The following AKAP12 variants were observed in gnomAD, a reference collection of about 807,000 sequenced individuals.
The protein encoded by AKAP12 is A-kinase anchoring protein 12, also known as A-kinase anchor protein 12.
AKAP12 carries 32 observed loss-of-function variants against 79.9 expected under a neutral mutation model. The observed-to-expected ratio is 0.40, with a 90% CI of 0.30 to 0.54. AKAP12 has a LOEUF of 0.54. Ranked by LOEUF, AKAP12 falls within the 20% of genes least tolerant of loss-of-function variation. The probability of loss-of-function intolerance (pLI) is 0.48; values close to 1 mark genes in which losing one functional copy is unlikely to be tolerated. For missense variants in AKAP12, 2,074 were observed against 2,177.0 expected (o/e 0.95, Z 0.94); for synonymous variants, 808 against 857.0 (o/e 0.94, Z 1.00).
At chr6:151,251,488 G>A (rs1226227904) in intron 2 of AKAP12, among the ~76,000 whole-genome samples, 1 of 152,170 alleles carries the variant, frequency 6.6e-6, no homozygotes, top group African/African-American at 2.4e-5. Context: ...ACAGGGTAGA[G>A]GCTTGGCATG....
At chr6:151,266,835 G>A (rs1410439277) in intron 2 of AKAP12, among the ~76,000 whole-genome samples, 1 of 151,930 alleles carries the variant, frequency 6.6e-6, no homozygotes, top group Admixed American at 6.6e-5. Flanking sequence ...GGGAAAATAT[G>A]CAAAACTGTA....
rs186440395 is a variant in AKAP12 at position 151,266,142 on chromosome 6, G to C, written c.162+25418G>C. Among the ~76,000 whole-genome samples the C allele has an allele frequency of 5.3e-5, 8 of 152,326 alleles. No individual in the cohort carries two copies. The East Asian group carries it at 1.5e-3, about 29-fold the overall frequency. On this transcript the variant is annotated intron_variant, in intron 2 of 4. Transcript: ENST00000402676. ...CTGCTGTAAAACTCTCCTTGGCCTT[G>C]CCAGGGTTAATTCTTTATCAACTTG...
At chr6:151,245,937 A>G (rs1797066841) in intron 2 of AKAP12, among the ~76,000 whole-genome samples, 1 of 152,156 alleles carries the variant, frequency 6.6e-6, no homozygotes, top group Non-Finnish European at 1.5e-5. Flanking sequence ...TCACATATAG[A>G]TTTAGGTTTT....
chr6:151,356,125 G>A lies in AKAP12; in HGVS notation c.*411G>A, dbSNP rs1318095301. ...TTTTTTTCTTAATGTTTAAGGAAAT[G>A]TGCAGGATACTACATGCTTTTTGTA... On this transcript the variant is annotated 3_prime_UTR_variant, in exon 5 of 5. Transcript: ENST00000402676. 1 of 152,556 alleles carries A rather than the reference G, an allele frequency of 6.6e-6. No individual in the cohort carries two copies. The highest frequency in any genetic ancestry group is 1.5e-5 in the Non-Finnish European group (1 of 68,028). The allele number at this position is 152,556 out of a possible 1,614,324, so 9.5% of individuals were successfully genotyped here.
chr6:151,319,488 CTATCTAT>C (rs1777316572), intron 3 of AKAP12: 1 of 100,218 alleles, frequency 1.0e-5, no homozygotes, highest in Non-Finnish European at 2.0e-5. Context: ...TATCTATCTA[CTATCTAT>C]AACTATCTAG....
At chr6:151,261,967 A>T (rs1027369310) in intron 2 of AKAP12, among the ~76,000 whole-genome samples, 12 of 152,020 alleles carry the variant, frequency 7.9e-5, no homozygotes, top group Non-Finnish European at 1.3e-4. Context: ...TGTTATTTTT[A>T]AAAATTTTTT....
chr6:151,302,921 C>T (rs942374718), intron 2 of AKAP12, among the ~76,000 whole-genome samples: 1 of 152,162 alleles, frequency 6.6e-6, no homozygotes, highest in African/African-American at 2.4e-5. Flanking sequence ...TTTGGCTGGG[C>T]GCAGTGGCTC....
At position 151,353,803 on chromosome 6, in the gene AKAP12, G is replaced by T. The variant is rs1344927441; in HGVS notation, c.*12+51G>T. The T allele has an allele frequency of 3.0e-6, 4 of 1,313,854 alleles. No individual in the cohort carries two copies. In the Admixed American group the frequency reaches 1.1e-4, roughly 38 times the overall value. The allele number at this position is 1,313,854 out of a possible 1,614,324, so 81.4% of individuals were successfully genotyped here. On this transcript the variant is annotated intron_variant, in intron 4 of 4. Coordinates refer to ENST00000402676, the MANE Select transcript of AKAP12 (RefSeq NM_005100.4). The stretch of plus-strand genomic sequence containing the variant: ...ATTTTTCTCTTTTATGCCAATAGAT[G>T]GCAAATTTGTTACATAAGGAATCGG...
chr6:151,267,298 C>A (rs545933236), intron 2 of AKAP12, among the ~76,000 whole-genome samples: 1 of 152,324 alleles, frequency 6.6e-6, no homozygotes, highest in African/African-American at 2.4e-5. Flanking sequence ...TTTGAATAGA[C>A]TCTTATGCCA....
Position 151,351,639 on chromosome 6 carries a change from C to T in AKAP12, c.3248C>T (p.Ala1083Val), listed in dbSNP as rs141178416. ...GAAAGACCAGAAGAGCAGGCTGAAG[C>T]GTCGGGTCTGAAGAAAGAGACGGAT... ...EAERPEEQAE[A>V]SGLKKETDVV... Residue 1083 changes from alanine to valine, a missense_variant, in exon 4 of 5, where the codon GCG (alanine) becomes GTG (valine). This residue lies in a region of AKAP12 where 1,428 missense variants were observed against 1,451.0 expected (regional missense o/e 0.98). Transcript: ENST00000402676. The surrounding 1 kb of genome is among the most constrained non-coding windows in gnomAD (Gnocchi z 4.4). The T allele has an allele frequency of 4.9e-4, 786 of 1,613,984 alleles. 2 individuals are homozygous for T. Among genetic ancestry groups the T allele is most frequent in the Middle Eastern group, 1.2e-3 (7 of 6,084 alleles).
chr6:151,293,443 T>C (rs891901991), intron 2 of AKAP12, among the ~76,000 whole-genome samples: 6 of 152,226 alleles, frequency 3.9e-5, no homozygotes, highest in African/African-American at 1.4e-4. Context: ...ATTTTGCTTA[T>C]TTTGCAATTG....
At chr6:151,307,317 C>A (rs150732453) in intron 3 of AKAP12, among the ~76,000 whole-genome samples, 1,690 of 152,302 alleles carry the variant, frequency 0.011, 28 homozygotes, top group African/African-American at 0.039. Context: ...AACCACTTAA[C>A]CACTGTGCTC....
chr6:151,338,699 C>T (rs949257392), intron 3 of AKAP12, among the ~76,000 whole-genome samples: 1 of 152,172 alleles, frequency 6.6e-6, no homozygotes, highest in Non-Finnish European at 1.5e-5. Context: ...GATCCGTCTA[C>T]CTTGCACTCC....
intron 3 of AKAP12, among the ~76,000 whole-genome samples, chr6:151,342,031 T>C (rs1394002622): frequency 6.6e-6 from 1 of 152,148 alleles, no homozygotes; most frequent in Non-Finnish European, 1.5e-5. Context: ...CCCCGAAGAC[T>C]CTGGCTTGAA....
Position 151,240,375 on chromosome 6 carries a change from TC to T in AKAP12, c.-179-8del, listed in dbSNP as rs1168827547. 3 of 516,262 alleles carry T rather than the reference TC, an allele frequency of 5.8e-6. No homozygotes were observed. The highest frequency in any genetic ancestry group is 9.1e-6 in the Non-Finnish European group (3 of 329,768). 32.0% of individuals were successfully genotyped at this position (516,262 alleles called of 1,614,324 possible). On this transcript the variant is annotated splice_region_variant and splice_polypyrimidine_tract_variant and intron_variant, in intron 1 of 4. Coordinates refer to ENST00000402676, the MANE Select transcript of AKAP12 (RefSeq NM_005100.4). ...GGTGGCCTTTTTTTTTTTTTCCTTT[TC>T]TTTTAAGGAGTTTGCCGCGAGCGCG... is the stretch of plus-strand genomic sequence containing the variant.
chr6:151,338,588 TGGGACTACA>T (rs1777873422), intron 3 of AKAP12, among the ~76,000 whole-genome samples: 1 of 152,074 alleles, frequency 6.6e-6, no homozygotes, highest in Non-Finnish European at 1.5e-5. Flanking sequence ...CCTGAGTAGC[TGGGACTACA>T]GGCACCCACC....
rs370245999 is a variant in AKAP12, at chr6:151,349,876, C to T, written c.1485C>T (p.Gly495=). 9.9e-6 allele frequency: 16 copies of T among 1,614,002 alleles called. No individual in the cohort carries two copies. Among genetic ancestry groups the T allele is most frequent in the African/African-American group, 6.7e-5 (5 of 74,900 alleles). ...AGGTGCTGTCCAAACCCCCCGAAGG[C>T]GTTGTGAGTGAGGTGGAAATGCTGT... The part of the protein sequence containing the change: ...DEKVLSKPPE[G]VVSEVEMLSS... Residue 495 remains glycine (G), a synonymous_variant, in exon 4 of 5, where the codon GGC becomes GGT. Coordinates refer to ENST00000402676, the MANE Select transcript of AKAP12 (RefSeq NM_005100.4).
chr6:151,349,714 T>C lies in AKAP12; in HGVS notation c.1323T>C (p.Ser441=), dbSNP rs1465429715. Residue 441 remains serine, a synonymous_variant, in exon 4 of 5, where the codon TCT becomes TCC. Transcript: ENST00000402676. ...QKTEVEETAG[S]VPAEELVEMD... Reference sequence around the variant, plus strand: ...CGGAGGTGGAAGAAACAGCAGGGTCTGTGCCAGCTGAAGAATTGGTTGAAA... The same window carrying C: ...CGGAGGTGGAAGAAACAGCAGGGTCCGTGCCAGCTGAAGAATTGGTTGAAA... The C allele has an allele frequency of 1.1e-5, 18 of 1,614,094 alleles. No individual in the cohort carries two copies. The highest frequency in any genetic ancestry group is 6.6e-5 in the South Asian group (6 of 91,078).
At chr6:151,318,066 T>A (rs1777275659) in intron 3 of AKAP12, among the ~76,000 whole-genome samples, 1 of 152,208 alleles carries the variant, frequency 6.6e-6, no homozygotes, top group Admixed American at 6.5e-5. Context: ...GTCGAAATCC[T>A]AACTCTAAGG....
Sources: gnomAD v4.1 joint callset for allele counts (sites outside exome capture counted in the v4.1 genomes callset) on GRCh38, gnomAD v4.1.1 for gene constraint, gnomAD v4.1.1 regional missense constraint, Gnocchi (gnomAD v3.1) non-coding constraint, MANE v1.5 for transcripts, NCBI Gene and HGNC (gene_info 2026-07-23, HGNC 2026-07-21) for gene names.